The following DENND1A variants were observed in gnomAD, a reference collection of about 807,000 sequenced individuals.
The protein encoded by DENND1A is DENN domain containing 1A.
Under a neutral mutation model 113.7 loss-of-function variants are expected in DENND1A, and 51 were observed. That is an observed-to-expected ratio of 0.45 (90% CI 0.36 to 0.57). DENND1A has a LOEUF of 0.57. Ranked by LOEUF, DENND1A falls within the 20% of genes least tolerant of loss-of-function variation. DENND1A has a pLI of 0.00. For missense variants in DENND1A, 1,258 were observed against 1,395.9 expected, an observed-to-expected ratio of 0.90 and a Z score of 1.57; for synonymous variants, 565 against 570.8, an observed-to-expected ratio of 0.99 and a Z score of 0.14.
At chr9:123,725,607 C>A (rs2067648662) in intron 5 of DENND1A, among the ~76,000 whole-genome samples, 1 of 152,232 alleles carries the variant, frequency 6.6e-6, no homozygotes, top group Non-Finnish European at 1.5e-5. Context: ...GCAGGCTTTG[C>A]TTAGCTGCAA....
At chr9:123,467,074 C>CA (rs530740231) in intron 13 of DENND1A, among the ~76,000 whole-genome samples, 2 of 150,596 alleles carry the variant, frequency 1.3e-5, no homozygotes, top group African/African-American at 2.5e-5. Flanking sequence ...AAAACAAAAA[C>CA]AAAACAAAAC....
At chr9:123,779,111 T>C (rs1830870161) in intron 3 of DENND1A, among the ~76,000 whole-genome samples, 1 of 152,180 alleles carries the variant, frequency 6.6e-6, no homozygotes, top group Admixed American at 6.5e-5. Context: ...GACAGATAAA[T>C]GAATTCATGC....
At chr9:123,905,232 G>T (rs1226763287) in intron 1 of DENND1A, among the ~76,000 whole-genome samples, 9 of 151,956 alleles carry the variant, frequency 5.9e-5, no homozygotes, top group Admixed American at 3.9e-4. Context: ...AGGAACAATG[G>T]TACCAGCCGC....
At chr9:123,713,311 T>C (rs1209018148) in intron 5 of DENND1A, among the ~76,000 whole-genome samples, 2 of 152,232 alleles carry the variant, frequency 1.3e-5, no homozygotes, top group Non-Finnish European at 2.9e-5. Flanking sequence ...CAGAGTCCCT[T>C]CAAGTAGGGA....
intron 19 of DENND1A, chr9:123,414,354 C>G (rs144009096): frequency 6.6e-5 from 93 of 1,418,292 alleles, no homozygotes; most frequent in Middle Eastern, 5.2e-4. Flanking sequence ...AGCCTCTCCC[C>G]CTCCCAGTCC....
intron 5 of DENND1A, among the ~76,000 whole-genome samples, chr9:123,754,665 C>T (rs1294439107): frequency 6.6e-6 from 1 of 152,196 alleles, no homozygotes; most frequent in Non-Finnish European, 1.5e-5. Flanking sequence ...CAATTAAGAA[C>T]TGACACACAA....
intron 19 of DENND1A, among the ~76,000 whole-genome samples, chr9:123,426,359 G>A (rs1046615175): frequency 2.6e-5 from 4 of 152,206 alleles, no homozygotes; most frequent in African/African-American, 9.7e-5. Flanking sequence ...GGGTACAGAG[G>A]GGCTGACACC....
chr9:123,478,132 G>A (rs906798887), intron 13 of DENND1A, among the ~76,000 whole-genome samples: 2 of 152,150 alleles, frequency 1.3e-5, no homozygotes, highest in Non-Finnish European at 1.5e-5. Context: ...AGGCAATGCC[G>A]AGAAAAGAGG....
At chr9:123,396,862 G>A (rs999663326) in intron 21 of DENND1A, among the ~76,000 whole-genome samples, 16 of 152,212 alleles carry the variant, frequency 1.1e-4, no homozygotes, top group Non-Finnish European at 1.5e-5. Context: ...CAGTTCTGGT[G>A]AGGGTATAAG....
At chr9:123,766,087 C>T (rs1333252110) in intron 4 of DENND1A, among the ~76,000 whole-genome samples, 3 of 152,216 alleles carry the variant, frequency 2.0e-5, no homozygotes, top group Non-Finnish European at 4.4e-5. Flanking sequence ...GTCACCCTCT[C>T]CCCAGCGAGC....
intron 2 of DENND1A, among the ~76,000 whole-genome samples, chr9:123,863,589 T>C (rs1845369302): frequency 6.6e-6 from 1 of 151,016 alleles, no homozygotes; most frequent in Non-Finnish European, 1.5e-5. Flanking sequence ...TTTTGGTTTC[T>C]AACAAGTTAA....
At chr9:123,520,032 C>T (rs575242110) in intron 13 of DENND1A, among the ~76,000 whole-genome samples, 24 of 151,478 alleles carry the variant, frequency 1.6e-4, no homozygotes, top group African/African-American at 5.8e-4. Flanking sequence ...TGATGGTGCA[C>T]GCCTGTGGTC....
chr9:123,512,630 G>A (rs148705239), intron 13 of DENND1A, among the ~76,000 whole-genome samples: 121 of 152,360 alleles, frequency 7.9e-4, no homozygotes, highest in Non-Finnish European at 1.2e-3. Context: ...CCCAAAGCAG[G>A]AGCCAGAAGC....
chr9:123,599,548 C>G (rs2059853970), intron 11 of DENND1A, among the ~76,000 whole-genome samples: 2 of 152,276 alleles, frequency 1.3e-5, no homozygotes, highest in South Asian at 4.2e-4. Flanking sequence ...ATTGTCATCA[C>G]TTTATGGCAG....
At position 123,579,227 on chromosome 9, in the gene DENND1A, A is replaced by C. The variant is rs115666208; in HGVS notation, c.867+3942T>G. Among the ~76,000 whole-genome samples, 676 of 152,284 alleles carry C rather than the reference A, an allele frequency of 4.4e-3. 6 individuals are homozygous for C. The highest frequency in any genetic ancestry group is 0.016 in the African/African-American group (652 of 41,540). On this transcript the variant is annotated intron_variant, in intron 12 of 23. Transcript: ENST00000394215. Reference sequence around the variant, plus strand: ...TATATATTACATTTAATTCTCAAACAACCTTATGTGGAAATTAAGTCTTAG... The same window carrying C: ...TATATATTACATTTAATTCTCAAACCACCTTATGTGGAAATTAAGTCTTAG...
chr9:123,489,015 A>C (rs1312412654), intron 13 of DENND1A, among the ~76,000 whole-genome samples: 1 of 152,152 alleles, frequency 6.6e-6, no homozygotes, highest in African/African-American at 2.4e-5. Context: ...AGAAGCGAAT[A>C]AAGATTTCCC....
rs1564491526 is a variant in DENND1A, at chr9:123,440,346, G to A, written c.1488+14C>T. 6.3e-7 allele frequency: 1 copy of A among 1,585,786 alleles called. No homozygotes were observed. On this transcript the variant is annotated intron_variant, in intron 19 of 23. Transcript: ENST00000394215. The stretch of plus-strand genomic sequence containing the variant: ...AAAAACAAAACAGACAGGTAGGAGG[G>A]CCAGGGTACACACCTGTCCAAAGTG...
At chr9:123,572,449 G>A (rs1049443713) in intron 12 of DENND1A, among the ~76,000 whole-genome samples, 17 of 152,070 alleles carry the variant, frequency 1.1e-4, no homozygotes, top group African/African-American at 4.1e-4. Flanking sequence ...GGATCGCCTG[G>A]TCATACAGTA....
intron 2 of DENND1A, among the ~76,000 whole-genome samples, chr9:123,869,490 C>A (rs1381862002): frequency 2.0e-5 from 3 of 152,150 alleles, no homozygotes; most frequent in Non-Finnish European, 4.4e-5. Context: ...ATAGTGATAT[C>A]TTGAGTAAAG....
Sources: gnomAD v4.1 joint callset for allele counts (sites outside exome capture counted in the v4.1 genomes callset) on GRCh38, gnomAD v4.1.1 for gene constraint, MANE v1.5 for transcripts, NCBI Gene and HGNC (gene_info 2026-07-23, HGNC 2026-07-21) for gene names.